The following MEF2C variants were observed in gnomAD, a reference collection of about 807,000 sequenced individuals.
The protein encoded by MEF2C is myocyte enhancer factor 2C, also known as myocyte-specific enhancer factor 2C.
In MEF2C, 6 loss-of-function variants were observed where a neutral mutation model predicts 50.5. The ratio of observed to expected loss-of-function variants is 0.12; its 90% CI spans 0.07 to 0.23. MEF2C has a LOEUF of 0.23. MEF2C is among the 10% of genes least tolerant of loss of function. The probability of loss-of-function intolerance (pLI) is 1.00; values close to 1 mark genes in which losing one functional copy is unlikely to be tolerated. For missense variants in MEF2C, 276 were observed against 605.0 expected (o/e 0.46, Z 5.70); for synonymous variants, 183 against 228.0 (o/e 0.80, Z 1.78).
chr5:88,734,681 A>T, intron 6 of MEF2C: 1 of 979,596 alleles, frequency 1.0e-6, no homozygotes, highest in Non-Finnish European at 1.2e-6. Context: ...GATTCAGGGC[A>T]GCAGTAGGGG....
At chr5:88,723,326 A>G (rs1757067229) in intron 10 of MEF2C, among the ~76,000 whole-genome samples, 1 of 152,252 alleles carries the variant, frequency 6.6e-6, no homozygotes, top group South Asian at 2.1e-4. Flanking sequence ...CTGGAATTAG[A>G]CTTCCTTGAT....
chr5:88,867,807 A>G (rs1381705979), intron 1 of MEF2C, among the ~76,000 whole-genome samples: 1 of 152,226 alleles, frequency 6.6e-6, no homozygotes, highest in Non-Finnish European at 1.5e-5. Context: ...TTGAAAACCA[A>G]CTGGTCAACA....
chr5:88,749,248 G>T lies in MEF2C; in HGVS notation c.590-131C>A, dbSNP rs1771457467. ...AACTTGTAAAGTACAACCCAAGTCA[G>T]ATGGCTGACATTTGTTTTATTGTGC... On this transcript the variant is annotated intron_variant, in intron 5 of 10. Coordinates refer to ENST00000504921, the MANE Select transcript of MEF2C (RefSeq NM_002397.5). 4.9e-6 allele frequency: 6 copies of T among 1,232,062 alleles called. No individual in the cohort carries two copies. The East Asian group carries it at 1.7e-4, about 36-fold the overall frequency. 76.3% of individuals were successfully genotyped at this position (1,232,062 alleles called of 1,614,324 possible).
chr5:88,824,900 A>T (rs1810145983), intron 1 of MEF2C: 1 of 151,950 alleles, frequency 6.6e-6, no homozygotes, highest in South Asian at 2.1e-4. Flanking sequence ...TTTAAATTAC[A>T]TCTGAAAATA....
chr5:88,734,033 AAAAC>A (rs1362210379), intron 6 of MEF2C: 3 of 985,190 alleles, frequency 3.0e-6, no homozygotes, highest in East Asian at 1.1e-4. Context: ...CTAGAAGAAA[AAAAC>A]AAACAAAAGA....
At chr5:88,736,057 T>C (rs1435932449) in intron 6 of MEF2C, 1 of 985,318 alleles carries the variant, frequency 1.0e-6, no homozygotes, top group African/African-American at 1.7e-5. Context: ...TCTACCAAAC[T>C]GTCATCTTCT....
At chr5:88,876,062 AGTT>A (rs1367376635) in intron 1 of MEF2C, among the ~76,000 whole-genome samples, 1 of 106,078 alleles carries the variant, frequency 9.4e-6, no homozygotes, top group Non-Finnish European at 1.8e-5. Context: ...TAGTAACTGG[AGTT>A]TTTTTTTTTT....
At chr5:88,804,265 C>CTAT (rs2153070530) in intron 3 of MEF2C, among the ~76,000 whole-genome samples, 1 of 152,296 alleles carries the variant, frequency 6.6e-6, no homozygotes, top group African/African-American at 2.4e-5. Flanking sequence ...TATGGATGAG[C>CTAT]TATTCCCTGG....
At chr5:88,870,924 A>G (rs1561428863) in intron 1 of MEF2C, among the ~76,000 whole-genome samples, 1 of 152,088 alleles carries the variant, frequency 6.6e-6, no homozygotes, top group Non-Finnish European at 1.5e-5. Context: ...CCACAATTCA[A>G]ATATTCTGCA....
intron 1 of MEF2C, among the ~76,000 whole-genome samples, chr5:88,867,570 CA>C (rs1007218819): frequency 1.3e-5 from 2 of 151,990 alleles, no homozygotes; most frequent in Non-Finnish European, 2.9e-5. Flanking sequence ...GGTATGCTCT[CA>C]AAAAAATGTT....
chr5:88,731,678 A>C, intron 7 of MEF2C, 51 bp downstream of exon 7: 2 of 1,523,156 alleles, frequency 1.3e-6, no homozygotes, highest in Non-Finnish European at 1.8e-6. Flanking sequence ...AAAACAGCAA[A>C]ACATATACAA....
chr5:88,824,104 T>G (rs1809775709), intron 1 of MEF2C, 174 bp from the exon 2 acceptor site: 1 of 868,432 alleles, frequency 1.2e-6, no homozygotes, highest in Non-Finnish European at 1.4e-6. Flanking sequence ...GCAGATCAAG[T>G]AGTTTTATTT....
intron 1 of MEF2C, chr5:88,888,275 T>G (rs969884475): frequency 6.6e-6 from 1 of 152,252 alleles, no homozygotes; most frequent in Non-Finnish European, 1.5e-5. Context: ...CAAATGAACC[T>G]TTCCTTGGCT....
intron 3 of MEF2C, among the ~76,000 whole-genome samples, chr5:88,801,699 G>A (rs148252964): frequency 2.5e-4 from 38 of 152,132 alleles, no homozygotes; most frequent in African/African-American, 8.4e-4. Flanking sequence ...TGTTAGCCCC[G>A]ATGATCTTGA....
At chr5:88,903,186 A>C in intron 1 of MEF2C, among the ~76,000 whole-genome samples, 1 of 151,824 alleles carries the variant, frequency 6.6e-6, no homozygotes, top group East Asian at 1.9e-4. Context: ...AAAATATATA[A>C]ATATACGAAT....
chr5:88,876,573 CTG>C (rs1831131563), intron 1 of MEF2C, among the ~76,000 whole-genome samples: 1 of 151,852 alleles, frequency 6.6e-6, no homozygotes, highest in Non-Finnish European at 1.5e-5. Context: ...ATTTCTTTGT[CTG>C]TCTCAACATA....
intron 1 of MEF2C, among the ~76,000 whole-genome samples, chr5:88,847,870 AT>A (rs1467149944): frequency 1.3e-5 from 2 of 152,168 alleles, no homozygotes; most frequent in Non-Finnish European, 2.9e-5. Flanking sequence ...TATTTACACA[AT>A]TTTTGGTAAT....
In MEF2C at chr5:88,892,066, T is replaced by C. The variant is rs529611892; in HGVS notation, c.-239-4468A>G. Reference sequence around the variant, plus strand: ...ATTTACATTTTTATTTGAATTATTGTCTTTATTGCTCTTCTTAATTTACCA... The same window carrying C: ...ATTTACATTTTTATTTGAATTATTGCCTTTATTGCTCTTCTTAATTTACCA... On this transcript the variant is annotated intron_variant, in intron 1 of 11. Coordinates refer to the MEF2C transcript ENST00000340208. The C allele has an allele frequency of 3.7e-4, 56 of 151,686 alleles. No homozygotes were observed. In the Middle Eastern group the frequency reaches 0.01, roughly 28 times the overall value. 9.4% of individuals were successfully genotyped at this position (151,686 alleles called of 1,614,324 possible).
intron 3 of MEF2C, among the ~76,000 whole-genome samples, chr5:88,799,407 A>G (rs1457211410): frequency 1.3e-5 from 2 of 152,348 alleles, no homozygotes; most frequent in Non-Finnish European, 2.9e-5. Flanking sequence ...TTTTATAAGT[A>G]TAAAATTAGA....
Sources: gnomAD v4.1 joint callset for allele counts (sites outside exome capture counted in the v4.1 genomes callset) on GRCh38, gnomAD v4.1.1 for gene constraint, MANE v1.5 for transcripts, NCBI Gene and HGNC (gene_info 2026-07-23, HGNC 2026-07-21) for gene names.